Variants in HAPSTR1 observed in about 807,000 individuals in gnomAD.
HAPSTR1 encodes the protein HUWE1 associated protein modifying stress responses, also known as HUWE1-associated protein modifying stress responses 1.
At chr16:9,100,771 G>C in the HAPSTR1 span, among the ~76,000 whole-genome samples, 3 of 152,164 alleles carry the variant, frequency 2.0e-5, no homozygotes, top group Admixed American at 2.0e-4. Context: ...CTGACTTCAG[G>C]TGATCCACCC....
At chr16:9,093,146 T>C in the HAPSTR1 span, 1 of 814,682 alleles carries the variant, frequency 1.2e-6, no homozygotes, top group Non-Finnish European at 1.9e-6. Context: ...GGCGGTGCTC[T>C]AGCTAGATCC....
At chr16:9,115,771 G>A in the HAPSTR1 span, among the ~76,000 whole-genome samples, 1 of 151,996 alleles carries the variant, frequency 6.6e-6, no homozygotes, top group Non-Finnish European at 1.5e-5. Context: ...CTGCCACCAC[G>A]CCGGGCTAAT....
At chr16:9,100,613 C>T in the HAPSTR1 span, among the ~76,000 whole-genome samples, 1 of 152,058 alleles carries the variant, frequency 6.6e-6, no homozygotes, top group Non-Finnish European at 1.5e-5. Flanking sequence ...GGCTCACTGC[C>T]ACCTCTGCTT....
At chr16:9,093,279 A>T in the HAPSTR1 span, among the ~76,000 whole-genome samples, 2 of 152,102 alleles carry the variant, frequency 1.3e-5, no homozygotes, top group African/African-American at 4.8e-5. Context: ...GAGGCTGCTG[A>T]AGGTCCTGCA....
chr16:9,103,476 A>G, the HAPSTR1 span: 1 of 532,998 alleles, frequency 1.9e-6, no homozygotes, highest in Non-Finnish European at 3.3e-6. Context: ...AGTTAGTTTG[A>G]GCTTATTGGT....
chr16:9,116,415 G>A, the HAPSTR1 span, among the ~76,000 whole-genome samples: 2 of 152,122 alleles, frequency 1.3e-5, no homozygotes, highest in African/African-American at 2.4e-5. Context: ...ACCTAGCACG[G>A]TGGTTGACAC....
chr16:9,093,686 T>C, the HAPSTR1 span, among the ~76,000 whole-genome samples: 1 of 152,202 alleles, frequency 6.6e-6, no homozygotes, highest in African/African-American at 2.4e-5. Flanking sequence ...TCCATAGGTT[T>C]GTTTTATGGT....
At chr16:9,117,075 T>A in the HAPSTR1 span, 1 of 952,234 alleles carries the variant, frequency 1.1e-6, no homozygotes, top group Non-Finnish European at 1.5e-6. Flanking sequence ...GTATTTATAG[T>A]AGATGCCTCT....
the HAPSTR1 span, among the ~76,000 whole-genome samples, chr16:9,093,621 A>G: frequency 6.6e-6 from 1 of 152,322 alleles, no homozygotes; most frequent in Admixed American, 6.5e-5. Context: ...TTCTGTTAAA[A>G]GGATCCTATA....
At chr16:9,120,722 G>C in the HAPSTR1 span, 1 of 133,580 alleles carries the variant, frequency 7.5e-6, no homozygotes, top group Non-Finnish European at 1.5e-5. Context: ...CTCTCACCCA[G>C]GCTGGAGTGC....
the HAPSTR1 span, among the ~76,000 whole-genome samples, chr16:9,094,233 C>T: frequency 1.3e-5 from 2 of 152,004 alleles, no homozygotes; most frequent in South Asian, 4.1e-4. Flanking sequence ...TAATAATAGT[C>T]CAGTCTTACT....
At chr16:9,099,827 A>G in the HAPSTR1 span, among the ~76,000 whole-genome samples, 1 of 152,186 alleles carries the variant, frequency 6.6e-6, no homozygotes, top group African/African-American at 2.4e-5. Context: ...CATGCCTAAG[A>G]TTCTCCAGTA....
chr16:9,092,005 G>C, the HAPSTR1 span: 2 of 1,458,616 alleles, frequency 1.4e-6, no homozygotes, highest in Admixed American at 2.3e-5. Flanking sequence ...TGAGGAGGAC[G>C]CGGCGGCGGT....
chr16:9,099,779 G>A, the HAPSTR1 span, among the ~76,000 whole-genome samples: 1 of 152,172 alleles, frequency 6.6e-6, no homozygotes, highest in Non-Finnish European at 1.5e-5. Flanking sequence ...ATTATCCACT[G>A]TACACTAGTT....
At chr16:9,101,222 C>T in the HAPSTR1 span, among the ~76,000 whole-genome samples, 8 of 152,290 alleles carry the variant, frequency 5.3e-5, no homozygotes, top group South Asian at 4.1e-4. Flanking sequence ...AGGGTTGGCT[C>T]ATCTAAATCT....
chr16:9,102,908 A>G, the HAPSTR1 span: 30 of 1,472,400 alleles, frequency 2.0e-5, no homozygotes, highest in Non-Finnish European at 2.7e-5. Context: ...GTTAAATTGT[A>G]AAATGGTTTT....
At chr16:9,099,558 G>A in the HAPSTR1 span, among the ~76,000 whole-genome samples, 44 of 152,332 alleles carry the variant, frequency 2.9e-4, no homozygotes, top group South Asian at 9.1e-3. Context: ...TGACATTTCA[G>A]TGCTTGTGGA....
chr16:9,111,900 A>G, the HAPSTR1 span: 5 of 78,678 alleles, frequency 6.4e-5, no homozygotes, highest in African/African-American at 4.6e-4. Context: ...ATCATACTGC[A>G]TATATGATTA....
the HAPSTR1 span, chr16:9,107,659 C>G: frequency 6.6e-6 from 1 of 152,222 alleles, no homozygotes; most frequent in East Asian, 1.9e-4. Context: ...GTTAGGTATC[C>G]TACCCATACT....
Sources: allele counts gnomAD v4.1 joint callset (sites outside exome capture counted in the v4.1 genomes callset), GRCh38; gene constraint gnomAD v4.1.1; transcripts MANE v1.5; gene names NCBI Gene and HGNC (gene_info 2026-07-23, HGNC 2026-07-21).